The following SCN11A variants were observed in gnomAD, a reference collection of about 807,000 sequenced individuals.
SCN11A encodes the protein sodium voltage-gated channel alpha subunit 11.
SCN11A carries 122 observed loss-of-function variants against 162.2 expected under a neutral mutation model. The ratio of observed to expected loss-of-function variants is 0.75; its 90% CI spans 0.65 to 0.87. The LOEUF (loss-of-function observed/expected upper bound fraction) is 0.87, where lower values mean the gene tolerates loss of function less well. Among genes scored for constraint, SCN11A ranks in the 40% least tolerant of loss-of-function variants. The pLI, the probability that SCN11A is intolerant of heterozygous loss-of-function variation, is 0.00. For synonymous variants in SCN11A, 758 were observed against 751.5 expected, an observed-to-expected ratio of 1.01 and a Z score of -0.14; for missense variants, 2,015 against 2,181.6, an observed-to-expected ratio of 0.92 and a Z score of 1.52.
chr3:38,879,213 C>T (rs1575237278), intron 23 of SCN11A, among the ~76,000 whole-genome samples: 1 of 152,110 alleles, frequency 6.6e-6, no homozygotes, highest in African/African-American at 2.4e-5. Context: ...TCTGAATATA[C>T]AAAAATAGTA....
At chr3:39,000,289 T>A (rs2030770319) in intron 2 of SCN11A, among the ~76,000 whole-genome samples, 1 of 152,264 alleles carries the variant, frequency 6.6e-6, no homozygotes, top group Middle Eastern at 3.4e-3. Flanking sequence ...TGTTCGGAAG[T>A]CTTTGATTTG....
intron 4 of SCN11A, among the ~76,000 whole-genome samples, chr3:38,950,960 C>T (rs898145557): frequency 6.6e-6 from 1 of 152,246 alleles, no homozygotes; most frequent in South Asian, 2.1e-4. Flanking sequence ...GGACTTCGAC[C>T]CTAAGAAAGT....
At chr3:38,864,799 A>G (rs1017695037) in intron 27 of SCN11A, among the ~76,000 whole-genome samples, 1 of 152,206 alleles carries the variant, frequency 6.6e-6, no homozygotes, top group Non-Finnish European at 1.5e-5. Context: ...AGAGAACAAG[A>G]AAGTTGTCAA....
intron 2 of SCN11A, among the ~76,000 whole-genome samples, chr3:38,990,236 T>C (rs2030409146): frequency 6.6e-6 from 1 of 152,154 alleles, no homozygotes; most frequent in Non-Finnish European, 1.5e-5. Context: ...TCTCGACTTA[T>C]CCGAGGTGCT....
chr3:38,864,967 T>C (rs1333663193), intron 27 of SCN11A, among the ~76,000 whole-genome samples: 1 of 152,226 alleles, frequency 6.6e-6, no homozygotes, highest in Non-Finnish European at 1.5e-5. Flanking sequence ...CGGTATTTGA[T>C]GAATTTAAAG....
intron 2 of SCN11A, among the ~76,000 whole-genome samples, chr3:39,028,534 G>C (rs934479090): frequency 6.6e-6 from 1 of 152,182 alleles, no homozygotes; most frequent in African/African-American, 2.4e-5. Flanking sequence ...TTTAACTGCT[G>C]TCTTGTCCTG....
At chr3:39,026,373 T>C (rs1020575690) in intron 2 of SCN11A, among the ~76,000 whole-genome samples, 11 of 152,236 alleles carry the variant, frequency 7.2e-5, no homozygotes, top group African/African-American at 2.2e-4. Flanking sequence ...TCTAAACAAC[T>C]CATTTGCTCA....
At chr3:38,848,931 G>A (rs923683182) in intron 29 of SCN11A, among the ~76,000 whole-genome samples, 64 of 152,146 alleles carry the variant, frequency 4.2e-4, no homozygotes, top group African/African-American at 1.4e-3. Context: ...GCGTTGGACG[G>A]CAGAAATATT....
intron 2 of SCN11A, among the ~76,000 whole-genome samples, chr3:39,005,800 A>G (rs1309493843): frequency 6.6e-6 from 1 of 152,220 alleles, no homozygotes; most frequent in East Asian, 1.9e-4. Flanking sequence ...AAACATAACA[A>G]TGAGCTTTAC....
At chr3:38,962,225 T>C (rs921545515) in intron 2 of SCN11A, among the ~76,000 whole-genome samples, 3 of 152,352 alleles carry the variant, frequency 2.0e-5, no homozygotes, top group Admixed American at 6.5e-5. Context: ...CATAGGTATA[T>C]GTGCTTATTT....
intron 28 of SCN11A, among the ~76,000 whole-genome samples, chr3:38,855,725 G>A (rs1171237521): frequency 6.6e-6 from 1 of 152,110 alleles, no homozygotes; most frequent in African/African-American, 2.4e-5. Context: ...GTCTGTCCAC[G>A]TGACAACTTC....
In SCN11A at chr3:38,963,474, G is replaced by GAT. The variant is rs1247492814; in HGVS notation, c.-279-3053_-279-3052dup. ...GAGATATATATATATATATGATGGA[G>GAT]ATATATATATATGATGGAGATATAT... On this transcript the variant is annotated intron_variant, in intron 2 of 29. Coordinates refer to ENST00000302328, the MANE Select transcript of SCN11A (RefSeq NM_001349253.2). Among the ~76,000 whole-genome samples, 159 of 131,956 alleles carry GAT rather than the reference G, an allele frequency of 1.2e-3. 1 individual carries two copies. Among genetic ancestry groups the GAT allele is most frequent in the East Asian group, 4.4e-3 (20 of 4,566 alleles). The allele number at this position is 131,956 out of a possible 152,430, so 86.6% of individuals were successfully genotyped here.
At chr3:38,936,795 C>G (rs907095409) in intron 7 of SCN11A, among the ~76,000 whole-genome samples, 16 of 152,282 alleles carry the variant, frequency 1.1e-4, no homozygotes, top group Non-Finnish European at 1.8e-4. Flanking sequence ...GGCCATACTG[C>G]CCAAGGTAAG....
At chr3:38,887,775 T>A (rs2065427519) in intron 19 of SCN11A, among the ~76,000 whole-genome samples, 1 of 152,182 alleles carries the variant, frequency 6.6e-6, no homozygotes, top group Non-Finnish European at 1.5e-5. Flanking sequence ...GCCGGACGGA[T>A]CCTTTTGCTG....
At chr3:38,934,059 G>A (rs1465178519) in intron 7 of SCN11A, among the ~76,000 whole-genome samples, 1 of 152,150 alleles carries the variant, frequency 6.6e-6, no homozygotes, top group Non-Finnish European at 1.5e-5. Context: ...AAGAGAGTGG[G>A]GGCCAATATT....
intron 2 of SCN11A, among the ~76,000 whole-genome samples, chr3:38,994,454 C>T (rs902341831): frequency 6.6e-6 from 1 of 152,114 alleles, no homozygotes; most frequent in Admixed American, 6.6e-5. Context: ...GCCACTTTCC[C>T]ATTTGTTGTT....
chr3:38,996,954 T>C (rs1179402833), intron 2 of SCN11A, among the ~76,000 whole-genome samples: 1 of 152,224 alleles, frequency 6.6e-6, no homozygotes, highest in Non-Finnish European at 1.5e-5. Context: ...CACATCTTAC[T>C]ACTTTCTTTG....
intron 1 of SCN11A, among the ~76,000 whole-genome samples, chr3:39,050,795 ATTC>A: frequency 6.6e-6 from 1 of 152,238 alleles, no homozygotes. Context: ...GATATTTTAC[ATTC>A]TTTTCTTCAA....
chr3:38,882,697 C>T (rs778091552), intron 22 of SCN11A, among the ~76,000 whole-genome samples: 1 of 152,096 alleles, frequency 6.6e-6, no homozygotes, highest in Non-Finnish European at 1.5e-5. Context: ...ATTTCTAAAT[C>T]TCATTGGGAC....
Sources: allele counts gnomAD v4.1 joint callset (sites outside exome capture counted in the v4.1 genomes callset), GRCh38; gene constraint gnomAD v4.1.1; transcripts MANE v1.5; gene names NCBI Gene and HGNC (gene_info 2026-07-23, HGNC 2026-07-21).